The following OTX2 variants were observed in gnomAD, a reference collection of about 807,000 sequenced individuals.
OTX2 encodes orthodenticle homeobox 2.
A neutral mutation model predicts 29.0 loss-of-function variants in OTX2; 4 were observed. The ratio of observed to expected loss-of-function variants is 0.14; its 90% CI spans 0.07 to 0.32. OTX2 has a LOEUF of 0.32. OTX2 is among the 10% of genes least tolerant of loss of function. OTX2 has a pLI of 1.00. For synonymous variants in OTX2, 134 were observed against 141.0 expected (o/e 0.95, Z 0.35); for missense variants, 298 against 365.9 (o/e 0.81, Z 1.51).
intron 3 of OTX2, among the ~76,000 whole-genome samples, chr14:56,805,148 A>T (rs1892037157): frequency 6.6e-6 from 1 of 152,214 alleles, no homozygotes; most frequent in South Asian, 2.1e-4. Flanking sequence ...TTGCAGACCC[A>T]CCTACTCACT....
At chr14:56,805,679 G>C (rs912498914) in intron 2 of OTX2, 104 bp from the exon 3 acceptor site, 1 of 548,470 alleles carries the variant, frequency 1.8e-6, no homozygotes, top group Non-Finnish European at 3.3e-6. Flanking sequence ...CGGACTAGGC[G>C]AGGCAGAGGC....
At chr14:56,808,144 C>A (rs1254455655) in intron 2 of OTX2, among the ~76,000 whole-genome samples, 1 of 152,044 alleles carries the variant, frequency 6.6e-6, no homozygotes, top group African/African-American at 2.4e-5. Context: ...AGAAGCCCAT[C>A]TACCAGTTGC....
intron 2 of OTX2, among the ~76,000 whole-genome samples, chr14:56,809,328 G>A (rs753865282): frequency 3.9e-5 from 6 of 152,226 alleles, no homozygotes; most frequent in Non-Finnish European, 5.9e-5. Context: ...GCTCGGCCTG[G>A]TGACCAGGGT....
chr14:56,805,329 G>A (rs1892045292), intron 3 of OTX2, 31 bp downstream of exon 3: 28 of 1,440,202 alleles, frequency 1.9e-5, no homozygotes, highest in Middle Eastern at 1.8e-4. Flanking sequence ...ATGGGGAAGA[G>A]GGGTGCGGGA....
rs770855748 is a variant in OTX2 at position 56,805,388 on chromosome 14, G to T, written c.69C>A (p.Asp23Glu). 8.1e-6 allele frequency: 13 copies of T among 1,613,584 alleles called. No individual in the cohort carries two copies. In the East Asian group the frequency reaches 2.9e-4, roughly 36 times the overall value. The change falls in exon 3 of 5, where the codon GAC (aspartate) becomes GAA (glutamate). Residue 23 changes from aspartate to glutamate, a missense_variant. Coordinates refer to ENST00000672264, the MANE Select transcript of OTX2 (RefSeq NM_021728.4). ...NGLSLTTSGM[D>E]LLHPSVGYPG... is the part of the protein sequence containing the mutation. ...GGTAGCCCACGGAGGGGTGCAGCAA[G>T]TCCATACCCGAAGTGGTCAGACTCA... is the stretch of plus-strand genomic sequence containing the variant.
In OTX2 at chr14:56,802,218, G is replaced by A. The variant is rs772021946; in HGVS notation, c.411C>T (p.Gly137=). 5.0e-5 allele frequency: 81 copies of A among 1,613,962 alleles called. No individual in the cohort carries two copies. The highest frequency in any genetic ancestry group is 6.3e-5 in the Non-Finnish European group (74 of 1,180,026). ...REVSSESGTS[G]QFTPPSSTSV... Reference sequence around the variant, plus strand: ...AGGTGCTAGAGGGGGGAGTGAATTGGCCACTTGTTCCACTCTCTGAACTCA... The same window carrying A: ...AGGTGCTAGAGGGGGGAGTGAATTGACCACTTGTTCCACTCTCTGAACTCA... Residue 137 remains glycine, a synonymous_variant, in exon 5 of 5, where the codon GGC becomes GGT. Transcript: ENST00000672264. The surrounding 1 kb of genome is among the most constrained non-coding windows in gnomAD (Gnocchi z 4.4).
chr14:56,809,372 C>A (rs1331645845), intron 2 of OTX2, among the ~76,000 whole-genome samples: 1 of 152,188 alleles, frequency 6.6e-6, no homozygotes, highest in East Asian at 1.9e-4. Flanking sequence ...TGGGAGGCTG[C>A]GTAATTACAA....
In OTX2 at chr14:56,800,697, G is replaced by T. The variant is rs542189946; in HGVS notation, c.*1038C>A. The T allele has an allele frequency of 6.5e-6, 1 of 152,700 alleles. No individual in the cohort carries two copies. The highest frequency in any genetic ancestry group is 1.9e-4 in the East Asian group (1 of 5,188). The allele number at this position is 152,700 out of a possible 1,614,324, so 9.5% of individuals were successfully genotyped here. A position where few individuals can be genotyped will look rare whatever the true frequency, so the allele number is the denominator to read the frequency against. ...ATAAATAGCGGTGTAAAATTAAACT[G>T]GACCCAATGTTGTGCTAGAACCATT... On this transcript the variant is annotated 3_prime_UTR_variant, in exon 5 of 5. Coordinates refer to ENST00000672264, the MANE Select transcript of OTX2 (RefSeq NM_021728.4).
In OTX2 at chr14:56,805,473, G is replaced by A. The variant is rs764157150; in HGVS notation, c.-17C>T. 3.8e-6 allele frequency: 6 copies of A among 1,589,462 alleles called. No individual in the cohort carries two copies. The highest frequency in any genetic ancestry group is 3.3e-4 in the Middle Eastern group (2 of 6,046). On this transcript the variant is annotated 5_prime_UTR_variant, in exon 3 of 5. Transcript: ENST00000672264. ...AGACATCATGCTAAGGTTGTTTGGA[G>A]GTGCAAAGTCGGCCCAAATCGGGGG...
In OTX2 at chr14:56,804,243, A is replaced by T; in HGVS notation, c.218T>A (p.Ile73Asn). The T allele has an allele frequency of 6.2e-7, 1 of 1,614,136 alleles. No homozygotes were observed. The highest frequency in any genetic ancestry group is 8.5e-7 in the Non-Finnish European group (1 of 1,180,040). Residue 73 changes from isoleucine (I) to asparagine (N), a missense_variant, in exon 4 of 5, where the codon ATC (isoleucine) becomes AAC (asparagine). By Grantham distance (149) the Ile-to-Asn change is moderately radical. Transcript: ENST00000672264. The surrounding 1 kb of genome is among the most constrained non-coding windows in gnomAD (Gnocchi z 4.1). The stretch of plus-strand genomic sequence containing the variant: ...CAGTGCCACCTCCTCTCGCATGAAG[A>T]TGTCTGGGTACCGGGTCTTGGCAAA... ...ALFAKTRYPD[I>N]FMREEVALKI...
Position 56,801,909 on chromosome 14 carries a change from A to T in OTX2, c.720T>A (p.Asn240Lys), listed in dbSNP as rs1330502209. ...MGTNAVTSHLNQSPASLSTQG... is the reference protein window; with the variant it reads ...MGTNAVTSHLKQSPASLSTQG... ...GGGTGGAAAGAGAAGCTGGGGACTG[A>T]TTGAGATGGCTGGTGACTGCATTGG... is the stretch of plus-strand genomic sequence containing the variant. Residue 240 changes from asparagine to lysine, a missense_variant, in exon 5 of 5, where the codon AAT becomes AAA. Physicochemically the swap from Asn to Lys is moderately conservative, Grantham distance 94 (BLOSUM62 0). Coordinates refer to ENST00000672264, the MANE Select transcript of OTX2 (RefSeq NM_021728.4). This position sits in a 1 kb window ranked among gnomAD's most constrained non-coding sequence, Gnocchi z 4.2. The T allele has an allele frequency of 6.2e-7, 1 of 1,614,032 alleles. No homozygotes were observed. Among genetic ancestry groups the T allele is most frequent in the Non-Finnish European group, 8.5e-7 (1 of 1,180,042 alleles).
At chr14:56,808,633 T>G (rs1248234385) in intron 2 of OTX2, among the ~76,000 whole-genome samples, 1 of 152,192 alleles carries the variant, frequency 6.6e-6, no homozygotes, top group African/African-American at 2.4e-5. Context: ...TACTCCCCTC[T>G]GTTGCTAATA....
chr14:56,807,970 G>GGCAGCCCCGCAGCCCC (rs537642936), intron 2 of OTX2, among the ~76,000 whole-genome samples: 7 of 151,112 alleles, frequency 4.6e-5, no homozygotes, highest in African/African-American at 1.5e-4. Context: ...GTTCCTGCCC[G>GGCAGCCCCGCAGCCCC]GCAGCCCCGC....
intron 2 of OTX2, among the ~76,000 whole-genome samples, chr14:56,809,313 C>T (rs1263485175): frequency 6.6e-6 from 1 of 152,210 alleles, no homozygotes; most frequent in East Asian, 1.9e-4. Flanking sequence ...ACACTCTTCA[C>T]GTTCGCTCGG....
intron 2 of OTX2, among the ~76,000 whole-genome samples, chr14:56,809,556 G>A (rs1892206063): frequency 6.6e-6 from 1 of 152,204 alleles, no homozygotes; most frequent in African/African-American, 2.4e-5. Context: ...AGCCTCCTCG[G>A]TTATCCGCTC....
rs1248550401 is a variant in OTX2, at chr14:56,802,459, C to G, written c.274-104G>C. On this transcript the variant is annotated intron_variant, in intron 4 of 4. Transcript: ENST00000672264. This position sits in a 1 kb window ranked among gnomAD's most constrained non-coding sequence, Gnocchi z 4.4. Reference sequence around the variant, plus strand: ...ATCCTACATGGGCAGATCAGCTAAACACACAATTTCCCCTGCCACTGAAGA... The same window carrying G: ...ATCCTACATGGGCAGATCAGCTAAAGACACAATTTCCCCTGCCACTGAAGA... The G allele has an allele frequency of 7.8e-7, 1 of 1,282,324 alleles. No individual in the cohort carries two copies. The highest frequency in any genetic ancestry group is 1.1e-6 in the Non-Finnish European group (1 of 889,356). 79.4% of individuals were successfully genotyped at this position (1,282,324 alleles called of 1,614,324 possible). A position where few individuals can be genotyped will look rare whatever the true frequency, so the allele number is the denominator to read the frequency against.
chr14:56,809,675 G>A (rs1018130539), intron 2 of OTX2, among the ~76,000 whole-genome samples: 2 of 152,198 alleles, frequency 1.3e-5, no homozygotes, highest in Non-Finnish European at 2.9e-5. Flanking sequence ...CCAAGGAGGC[G>A]CCTGGCTTTT....
Position 56,804,125 on chromosome 14 carries a change from C to G in OTX2, c.273+63G>C. Reference sequence around the variant, plus strand: ...CCTCTGAAAGACCTGGGGCTCTCCACAGTCCCATACTCGGGAAGGGTGGCA... The same window carrying G: ...CCTCTGAAAGACCTGGGGCTCTCCAGAGTCCCATACTCGGGAAGGGTGGCA... On this transcript the variant is annotated intron_variant, in intron 4 of 4. Transcript: ENST00000672264. The surrounding 1 kb of genome is among the most constrained non-coding windows in gnomAD (Gnocchi z 4.1). 1 of 1,570,904 alleles carries G rather than the reference C, an allele frequency of 6.4e-7. No individual in the cohort carries two copies. The highest frequency in any genetic ancestry group is 8.8e-7 in the Non-Finnish European group (1 of 1,140,684).
At chr14:56,805,929 A>T (rs532802410) in intron 2 of OTX2, among the ~76,000 whole-genome samples, 1 of 152,176 alleles carries the variant, frequency 6.6e-6, no homozygotes, top group African/African-American at 2.4e-5. Flanking sequence ...CATAGGACTC[A>T]TTGGCTGGCA....
Sources: gnomAD v4.1 joint callset for allele counts (sites outside exome capture counted in the v4.1 genomes callset) on GRCh38, gnomAD v4.1.1 for gene constraint, Gnocchi (gnomAD v3.1) non-coding constraint, MANE v1.5 for transcripts, NCBI Gene and HGNC (gene_info 2026-07-23, HGNC 2026-07-21) for gene names.